TRIM49: variants seen among roughly 807,000 people sequenced by gnomAD.
TRIM49 encodes tripartite motif containing 49.
In TRIM49, 5 loss-of-function variants were observed where a neutral mutation model predicts 27.4. The ratio of observed to expected loss-of-function variants is 0.18; its 90% CI spans 0.10 to 0.38. The LOEUF (loss-of-function observed/expected upper bound fraction) is 0.38. Ranked by LOEUF, TRIM49 falls within the 10% of genes least tolerant of loss-of-function variation. The pLI is 1.00. For synonymous variants in TRIM49, 69 were observed against 166.0 expected (o/e 0.42, Z 4.49); for missense variants, 188 against 487.5 (o/e 0.39, Z 5.79).
chr11:89,796,657 A>C (rs1357612467), downstream of TRIM49, among the ~76,000 whole-genome samples: 9 of 148,748 alleles, frequency 6.1e-5, no homozygotes, highest in African/African-American at 2.0e-4. Context: ...TATATTATAT[A>C]CATGGAAAAG....
In TRIM49 at chr11:89,800,700, G is replaced by A. The variant is rs1385391807; in HGVS notation, c.761+266C>T. On this transcript the variant is annotated intron_variant, in intron 6 of 7. Coordinates refer to ENST00000329758, the MANE Select transcript of TRIM49 (RefSeq NM_020358.2). ...GGAGCTTTCAGTGAGCCGAGATGGC[G>A]CCATTGCACTCCAGCCTGGGCGACA... Among the ~76,000 whole-genome samples, 11 of 150,210 alleles carry A rather than the reference G, an allele frequency of 7.3e-5. No individual in the cohort carries two copies. The South Asian group carries it at 1.9e-3, about 26-fold the overall frequency.
the TRIM49 span, chr11:89,787,263 C>T: frequency 4.4e-6 from 1 of 228,910 alleles, no homozygotes; most frequent in Non-Finnish European, 8.5e-6. Context: ...GTCAGGATGA[C>T]CACGAGCCTC....
chr11:89,793,831 A>G (rs1406068806), downstream of TRIM49, among the ~76,000 whole-genome samples: 3 of 151,976 alleles, frequency 2.0e-5, no homozygotes, highest in East Asian at 2.0e-4. Flanking sequence ...GTGGTGCAAG[A>G]CAGGGATACT....
At chr11:89,777,784 C>T in the TRIM49 span, 21 of 529,302 alleles carry the variant, frequency 4.0e-5, no homozygotes, top group South Asian at 8.9e-5. Context: ...GAATCATATT[C>T]GTTTAACTTG....
chr11:89,768,064 A>G, the TRIM49 span: 8 of 525,716 alleles, frequency 1.5e-5, no homozygotes, highest in East Asian at 4.1e-5. Flanking sequence ...AACTATAAAT[A>G]TAAATACCTA....
At chr11:89,770,735 G>A in the TRIM49 span, among the ~76,000 whole-genome samples, 2 of 142,510 alleles carry the variant, frequency 1.4e-5, 1 homozygote, top group African/African-American at 5.7e-5. Flanking sequence ...GCGTGGTGGC[G>A]AGCGCCTGTA....
intron 6 of TRIM49, among the ~76,000 whole-genome samples, chr11:89,800,461 G>A (rs1408555565): frequency 1.3e-5 from 2 of 151,522 alleles, no homozygotes; most frequent in Non-Finnish European, 2.9e-5. Flanking sequence ...ACAAAATCAG[G>A]GGCCGGGCGC....
At chr11:89,779,698 T>TTC in the TRIM49 span, among the ~76,000 whole-genome samples, 17 of 106,182 alleles carry the variant, frequency 1.6e-4, no homozygotes, top group East Asian at 9.3e-4. Flanking sequence ...ATATATATTT[T>TTC]TTTGCAGCAT....
chr11:89,803,925 G>A (rs1949761233), intron 3 of TRIM49, 132 bp from the exon 4 acceptor site: 5 of 1,406,484 alleles, frequency 3.6e-6, no homozygotes, highest in South Asian at 2.6e-5. Flanking sequence ...AAGCCCAGAG[G>A]TTGGAAGCTA....
the TRIM49 span, among the ~76,000 whole-genome samples, chr11:89,790,202 C>T: frequency 7.7e-6 from 1 of 130,478 alleles, no homozygotes; most frequent in East Asian, 2.1e-4. Flanking sequence ...AGCAGTGAGG[C>T]TGGGGGAGGG....
At chr11:89,782,070 T>G in the TRIM49 span, 1 of 1,546,606 alleles carries the variant, frequency 6.5e-7, no homozygotes, top group Non-Finnish European at 8.7e-7. Context: ...GATGTGACCC[T>G]CTCCTCCAAC....
At chr11:89,768,657 A>T in the TRIM49 span, among the ~76,000 whole-genome samples, 2 of 134,740 alleles carry the variant, frequency 1.5e-5, no homozygotes, top group Non-Finnish European at 3.0e-5. Context: ...GTAACATTCA[A>T]CATACCACAC....
At chr11:89,784,754 T>C in the TRIM49 span, among the ~76,000 whole-genome samples, 1 of 144,448 alleles carries the variant, frequency 6.9e-6, no homozygotes, top group Non-Finnish European at 1.5e-5. Context: ...TTCCTGACAT[T>C]CTTTTAATTT....
At chr11:89,767,960 A>G in the TRIM49 span, among the ~76,000 whole-genome samples, 2 of 137,556 alleles carry the variant, frequency 1.5e-5, no homozygotes. Flanking sequence ...CTACGTCCTA[A>G]AAAGCCCTTC....
chr11:89,768,831 C>G, the TRIM49 span: 292 of 502,964 alleles, frequency 5.8e-4, 69 homozygotes, highest in African/African-American at 7.9e-3. Flanking sequence ...CCATGTCTCC[C>G]AAATCCTGGA....
At chr11:89,770,675 C>T in the TRIM49 span, among the ~76,000 whole-genome samples, 1 of 139,614 alleles carries the variant, frequency 7.2e-6, no homozygotes, top group Non-Finnish European at 1.5e-5. Context: ...CTGGCTAACA[C>T]GGTGAAACCC....
chr11:89,767,974 G>A, the TRIM49 span, among the ~76,000 whole-genome samples: 1 of 137,570 alleles, frequency 7.3e-6, no homozygotes, highest in African/African-American at 3.3e-5. Flanking sequence ...GCCCTTCTGC[G>A]TGTTTTACTT....
intron 2 of TRIM49, among the ~76,000 whole-genome samples, chr11:89,804,674 G>A (rs1206082694): frequency 1.3e-5 from 2 of 151,542 alleles, no homozygotes; most frequent in Admixed American, 6.5e-5. Flanking sequence ...CTAACCAGAG[G>A]ACTCACAGTC....
intron 6 of TRIM49, among the ~76,000 whole-genome samples, chr11:89,800,301 T>A (rs1163515259): frequency 2.6e-5 from 4 of 151,670 alleles, no homozygotes; most frequent in African/African-American, 4.9e-5. Context: ...AACTGTTAAC[T>A]GATATGTATA....
Sources: gnomAD v4.1 joint callset for allele counts (sites outside exome capture counted in the v4.1 genomes callset) on GRCh38, gnomAD v4.1.1 for gene constraint, MANE v1.5 for transcripts, NCBI Gene and HGNC (gene_info 2026-07-23, HGNC 2026-07-21) for gene names.